ANKRD12: variants seen among roughly 807,000 people sequenced by gnomAD.
The protein encoded by ANKRD12 is ankyrin repeat domain-containing protein 12.
A neutral mutation model predicts 183.4 loss-of-function variants in ANKRD12; 85 were observed. The observed-to-expected ratio is 0.46, with a 90% CI of 0.39 to 0.56. ANKRD12 has a LOEUF of 0.56. ANKRD12 is among the 20% of genes least tolerant of loss of function. The pLI, the probability that ANKRD12 is intolerant of heterozygous loss-of-function variation, is 0.00. For synonymous variants in ANKRD12, 914 were observed against 800.2 expected (o/e 1.14, Z -2.40); for missense variants, 2,405 against 2,357.1 (o/e 1.02, Z -0.42).
rs1298989732 is a variant in ANKRD12, at chr18:9,254,329, T to G, written c.1062T>G (p.Leu354=). 2.5e-6 allele frequency: 4 copies of G among 1,612,860 alleles called. No homozygotes were observed. Among genetic ancestry groups the G allele is most frequent in the Non-Finnish European group, 3.4e-6 (4 of 1,179,486 alleles). ...SKQILPSKTP[L]PSALDEYEFK... ...AGATACTTCCCAGTAAAACACCTCT[T>G]CCATCTGCCCTTGATGAGTATGAGT... is the stretch of plus-strand genomic sequence containing the variant. Residue 354 remains leucine (L), a synonymous_variant, in exon 9 of 13, where the codon CTT becomes CTG. Transcript: ENST00000262126.
intron 1 of ANKRD12, among the ~76,000 whole-genome samples, chr18:9,166,356 G>A (rs1304459138): frequency 3.3e-5 from 5 of 152,094 alleles, no homozygotes; most frequent in South Asian, 2.1e-4. Context: ...AAGTGTTCCT[G>A]TTTCTCCACA....
intron 10 of ANKRD12, among the ~76,000 whole-genome samples, chr18:9,268,008 A>T (rs2039397337): frequency 6.6e-6 from 1 of 152,252 alleles, no homozygotes; most frequent in Non-Finnish European, 1.5e-5. Context: ...AATAAACTGG[A>T]ATTATCTAGA....
chr18:9,163,416 A>G (rs192966683), intron 1 of ANKRD12, among the ~76,000 whole-genome samples: 95 of 152,174 alleles, frequency 6.2e-4, no homozygotes, highest in African/African-American at 2.2e-3. Flanking sequence ...CTGTTTTTGT[A>G]CCAGTACCTT....
At chr18:9,239,633 T>C in intron 8 of ANKRD12, 1 of 607,384 alleles carries the variant, frequency 1.6e-6, no homozygotes, top group Non-Finnish European at 2.6e-6. Flanking sequence ...TTAATTTACA[T>C]GAGGTCCTTG....
intron 11 of ANKRD12, among the ~76,000 whole-genome samples, chr18:9,277,347 A>T (rs1398012445): frequency 3.7e-4 from 27 of 73,828 alleles, no homozygotes; most frequent in African/African-American, 1.4e-3. Context: ...TTTTTTTTTT[A>T]AGCAGAGTCT....
intron 8 of ANKRD12, among the ~76,000 whole-genome samples, chr18:9,238,137 A>G (rs1370161211): frequency 6.6e-6 from 1 of 152,156 alleles, no homozygotes; most frequent in African/African-American, 2.4e-5. Context: ...TTCTTGGGAC[A>G]AAGTTCTCCT....
chr18:9,159,717 G>A (rs1407988860), intron 1 of ANKRD12, among the ~76,000 whole-genome samples: 1 of 151,708 alleles, frequency 6.6e-6, no homozygotes, highest in Non-Finnish European at 1.5e-5. Context: ...GGGATTACAG[G>A]CGTGAGCCAC....
intron 2 of ANKRD12, among the ~76,000 whole-genome samples, chr18:9,187,754 G>A (rs904552949): frequency 1.3e-5 from 2 of 152,124 alleles, no homozygotes; most frequent in Admixed American, 6.5e-5. Flanking sequence ...TTTAAAATTT[G>A]CAAAGCAGAA....
At chr18:9,225,053 C>A in intron 8 of ANKRD12, among the ~76,000 whole-genome samples, 1 of 149,436 alleles carries the variant, frequency 6.7e-6, no homozygotes, top group East Asian at 2.0e-4. Flanking sequence ...CTCCTGCCTC[C>A]AAAAAAAACA....
chr18:9,235,780 CAG>C (rs774379523), intron 8 of ANKRD12: 4 of 419,574 alleles, frequency 9.5e-6, no homozygotes, highest in Non-Finnish European at 1.9e-5. Context: ...GGAAAAGAAA[CAG>C]AAGAAGACCA....
At chr18:9,254,060 TATTAC>T in intron 8 of ANKRD12, 146 bp from the exon 9 acceptor site, 1 of 902,076 alleles carries the variant, frequency 1.1e-6, no homozygotes, top group Non-Finnish European at 1.5e-6. Context: ...TACACATTGC[TATTAC>T]ATTATTTCCA....
At chr18:9,246,472 A>G (rs925731677) in intron 8 of ANKRD12, among the ~76,000 whole-genome samples, 5 of 152,104 alleles carry the variant, frequency 3.3e-5, no homozygotes, top group African/African-American at 9.7e-5. Flanking sequence ...GTTTATATCT[A>G]TATATTTCCA....
At chr18:9,236,733 A>G (rs1357223322) in intron 8 of ANKRD12, among the ~76,000 whole-genome samples, 1 of 152,222 alleles carries the variant, frequency 6.6e-6, no homozygotes, top group Admixed American at 6.5e-5. Flanking sequence ...TGCAAATAAT[A>G]GAAGAAAATT....
chr18:9,241,590 A>G (rs2037664618), intron 8 of ANKRD12, among the ~76,000 whole-genome samples: 1 of 152,206 alleles, frequency 6.6e-6, no homozygotes, highest in Non-Finnish European at 1.5e-5. Flanking sequence ...GTGCTTAGAA[A>G]AATTAAATAG....
chr18:9,255,679 G>A lies in ANKRD12; in HGVS notation c.2412G>A (p.Lys804=). ...CTATAGGGCTTCATTTAGTGGAAAA[G>A]GAAATAGACATTGAAAAACAAGAAA... The part of the protein sequence containing the change: ...EESIGLHLVE[K]EIDIEKQEKH... Residue 804 remains lysine, a synonymous_variant, in exon 9 of 13, where the codon AAG becomes AAA. Coordinates refer to ENST00000262126, the MANE Select transcript of ANKRD12 (RefSeq NM_015208.5). 6.3e-7 allele frequency: 1 copy of A among 1,589,114 alleles called. No individual in the cohort carries two copies. Among genetic ancestry groups the A allele is most frequent in the Non-Finnish European group, 8.5e-7 (1 of 1,173,112 alleles).
intron 8 of ANKRD12, among the ~76,000 whole-genome samples, chr18:9,224,486 G>T (rs560443561): frequency 6.6e-6 from 1 of 152,206 alleles, no homozygotes; most frequent in Admixed American, 6.5e-5. Flanking sequence ...ACAGTCTTCA[G>T]TTTAACACAG....
intron 2 of ANKRD12, among the ~76,000 whole-genome samples, chr18:9,185,571 G>T (rs1307660446): frequency 6.6e-6 from 1 of 152,198 alleles, no homozygotes; most frequent in Non-Finnish European, 1.5e-5. Context: ...TTAGTAGGCA[G>T]TTGCATATGA....
chr18:9,209,164 A>C (rs544697897), intron 5 of ANKRD12, among the ~76,000 whole-genome samples: 2 of 152,320 alleles, frequency 1.3e-5, no homozygotes, highest in East Asian at 1.9e-4. Flanking sequence ...TTATTTATAT[A>C]CTGTGTTCTC....
intron 3 of ANKRD12, among the ~76,000 whole-genome samples, chr18:9,198,631 C>T (rs2034984996): frequency 6.6e-6 from 1 of 152,144 alleles, no homozygotes; most frequent in Non-Finnish European, 1.5e-5. Context: ...CTCACTGCAA[C>T]CTCTGCTTCC....
Sources: allele counts gnomAD v4.1 joint callset (sites outside exome capture counted in the v4.1 genomes callset), GRCh38; gene constraint gnomAD v4.1.1; transcripts MANE v1.5; gene names NCBI Gene and HGNC (gene_info 2026-07-23, HGNC 2026-07-21).